Variants in MACROD2 observed in about 807,000 individuals in gnomAD.
MACROD2 encodes ADP-ribose glycohydrolase MACROD2.
Under a neutral mutation model 70.4 loss-of-function variants are expected in MACROD2, and 36 were observed. The observed-to-expected ratio is 0.51, with a 90% CI of 0.39 to 0.68. MACROD2 has a LOEUF of 0.68. Ranked by LOEUF, MACROD2 falls within the 30% of genes least tolerant of loss-of-function variation. MACROD2 has a pLI of 0.00. For missense variants in MACROD2, 496 were observed against 538.4 expected, an observed-to-expected ratio of 0.92 and a Z score of 0.78; for synonymous variants, 172 against 178.8, an observed-to-expected ratio of 0.96 and a Z score of 0.30.
rs80291865 is a variant in MACROD2, at chr20:14,569,295, C to G, written c.301+75787C>G. On this transcript the variant is annotated intron_variant, in intron 4 of 17. Coordinates refer to ENST00000684519, the MANE Select transcript of MACROD2 (RefSeq NM_001351661.2). Reference sequence around the variant, plus strand: ...GTCTTGAATAATATCGTTAGCTCACCTTCCATCAGTTAATTGTATTTCTTC... The same window carrying G: ...GTCTTGAATAATATCGTTAGCTCACGTTCCATCAGTTAATTGTATTTCTTC... 1.3e-3 allele frequency among the ~76,000 whole-genome samples: 190 copies of G among 151,984 alleles called. 1 individual carries two copies. The highest frequency in any genetic ancestry group is 4.2e-3 in the African/African-American group (176 of 41,468).
intron 3 of MACROD2, among the ~76,000 whole-genome samples, chr20:14,388,405 A>G (rs1444075016): frequency 6.6e-6 from 1 of 152,202 alleles, no homozygotes; most frequent in Non-Finnish European, 1.5e-5. Flanking sequence ...CACACAGTCA[A>G]AAATTCATAT....
intron 3 of MACROD2, among the ~76,000 whole-genome samples, chr20:14,351,843 C>T (rs1568572899): frequency 6.6e-6 from 1 of 152,080 alleles, no homozygotes; most frequent in Non-Finnish European, 1.5e-5. Flanking sequence ...TTTCCTCACT[C>T]AGTATGATGC....
At chr20:14,148,123 T>C (rs765088902) in intron 3 of MACROD2, among the ~76,000 whole-genome samples, 21 of 152,258 alleles carry the variant, frequency 1.4e-4, no homozygotes, top group Non-Finnish European at 2.8e-4. Flanking sequence ...ATTGAATTTC[T>C]TAGCTAAATT....
At chr20:15,139,336 G>A (rs2076174121) in intron 5 of MACROD2, among the ~76,000 whole-genome samples, 2 of 152,176 alleles carry the variant, frequency 1.3e-5, no homozygotes, top group African/African-American at 2.4e-5. Context: ...TAGTGAAATG[G>A]TTGTAAGTCG....
chr20:15,947,659 A>G (rs777331332), intron 12 of MACROD2, among the ~76,000 whole-genome samples: 1 of 152,092 alleles, frequency 6.6e-6, no homozygotes. Context: ...TCTTTTCCCT[A>G]CACTCAACAC....
At chr20:15,104,189 C>A (rs542836823) in intron 5 of MACROD2, among the ~76,000 whole-genome samples, 2 of 152,058 alleles carry the variant, frequency 1.3e-5, no homozygotes, top group Non-Finnish European at 2.9e-5. Flanking sequence ...GCTCTTGGGA[C>A]GGAACTGAAA....
chr20:14,447,434 G>T (rs958631287), intron 3 of MACROD2, among the ~76,000 whole-genome samples: 1 of 152,122 alleles, frequency 6.6e-6, no homozygotes, highest in Admixed American at 6.5e-5. Flanking sequence ...TTGGAAAATA[G>T]CATCTGCTGT....
intron 3 of MACROD2, among the ~76,000 whole-genome samples, chr20:14,212,132 T>C (rs148464937): frequency 0.014 from 2,064 of 152,294 alleles, 20 homozygotes; most frequent in South Asian, 0.036. Context: ...ATCTGTATTC[T>C]AATTATATTA....
chr20:15,439,068 G>A (rs2046462555), intron 7 of MACROD2, among the ~76,000 whole-genome samples: 1 of 152,196 alleles, frequency 6.6e-6, no homozygotes. Flanking sequence ...TATTCAGTTA[G>A]AGAGCCAAAC....
intron 3 of MACROD2, among the ~76,000 whole-genome samples, chr20:14,448,166 A>G (rs1311643884): frequency 2.0e-5 from 3 of 151,962 alleles, no homozygotes; most frequent in Non-Finnish European, 4.4e-5. Flanking sequence ...AGGTCAGATT[A>G]CCACAGTCCA....
At chr20:14,206,352 A>T (rs550550772) in intron 3 of MACROD2, among the ~76,000 whole-genome samples, 4 of 152,316 alleles carry the variant, frequency 2.6e-5, no homozygotes, top group African/African-American at 7.2e-5. Context: ...TCAGCATTTT[A>T]TCTTTTAACC....
At chr20:14,327,892 A>G (rs1166056257) in intron 3 of MACROD2, among the ~76,000 whole-genome samples, 3 of 152,124 alleles carry the variant, frequency 2.0e-5, no homozygotes, top group Admixed American at 2.0e-4. Context: ...TCACTGATCA[A>G]GCTAATTGAA....
chr20:14,284,752 A>G (rs1460333271), intron 3 of MACROD2, among the ~76,000 whole-genome samples: 1 of 151,984 alleles, frequency 6.6e-6, no homozygotes, highest in Non-Finnish European at 1.5e-5. Flanking sequence ...AGTGCCCCCC[A>G]TTTACTTTGA....
chr20:15,914,380 G>A (rs975813983), intron 10 of MACROD2, among the ~76,000 whole-genome samples: 4 of 152,158 alleles, frequency 2.6e-5, no homozygotes, highest in Admixed American at 6.5e-5. Context: ...GGAGATGGAC[G>A]TCAGAACCTG....
intron 5 of MACROD2, among the ~76,000 whole-genome samples, chr20:15,181,726 A>T (rs1241975241): frequency 6.6e-6 from 1 of 152,214 alleles, no homozygotes; most frequent in African/African-American, 2.4e-5. Context: ...GAATTTTCAC[A>T]TTCAAGTCTG....
intron 6 of MACROD2, among the ~76,000 whole-genome samples, chr20:15,287,521 T>C (rs1392324534): frequency 6.6e-6 from 1 of 152,198 alleles, no homozygotes; most frequent in Non-Finnish European, 1.5e-5. Flanking sequence ...ACAGAGAGAC[T>C]TAATGTATGT....
At chr20:15,047,754 T>C (rs2075406280) in intron 5 of MACROD2, among the ~76,000 whole-genome samples, 1 of 152,154 alleles carries the variant, frequency 6.6e-6, no homozygotes, top group African/African-American at 2.4e-5. Context: ...TGGCTAAGGC[T>C]TTTATTACAG....
chr20:15,598,044 C>A (rs1028288622), intron 8 of MACROD2, among the ~76,000 whole-genome samples: 1 of 151,932 alleles, frequency 6.6e-6, no homozygotes, highest in African/African-American at 2.4e-5. Context: ...GTGCCCACTG[C>A]ACTCCAGCCT....
chr20:14,313,234 G>A (rs556500112), intron 3 of MACROD2, among the ~76,000 whole-genome samples: 1 of 152,242 alleles, frequency 6.6e-6, no homozygotes, highest in South Asian at 2.1e-4. Flanking sequence ...TATCATTAAA[G>A]GATAGTATAG....
Sources: allele counts gnomAD v4.1 joint callset (sites outside exome capture counted in the v4.1 genomes callset), GRCh38; gene constraint gnomAD v4.1.1; transcripts MANE v1.5; gene names NCBI Gene and HGNC (gene_info 2026-07-23, HGNC 2026-07-21).